The following ASIC2 variants were observed in gnomAD, a reference collection of about 807,000 sequenced individuals.
ASIC2 encodes acid sensing ion channel subunit 2, also known as acid-sensing ion channel 2.
In ASIC2, 25 loss-of-function variants were observed where a neutral mutation model predicts 57.3. The ratio of observed to expected loss-of-function variants is 0.44; its 90% CI spans 0.32 to 0.61. The LOEUF is 0.61. Ranked by LOEUF, ASIC2 falls within the 20% of genes least tolerant of loss-of-function variation. The pLI, the probability that ASIC2 is intolerant of heterozygous loss-of-function variation, is 0.06. For missense variants in ASIC2, 641 were observed against 738.1 expected, an observed-to-expected ratio of 0.87 and a Z score of 1.52; for synonymous variants, 319 against 307.5, an observed-to-expected ratio of 1.04 and a Z score of -0.39.
rs116321706 is a variant in ASIC2 at position 33,507,192 on chromosome 17, C to G, written c.556-395125G>C. On this transcript the variant is annotated intron_variant, in intron 1 of 9. Coordinates refer to the ASIC2 transcript ENST00000359872. Reference sequence around the variant, plus strand: ...CCTGAAAACAGCTCTGTTTACAATGCTGCCTCATGACAGGCAGGAGGGCTT... The same window carrying G: ...CCTGAAAACAGCTCTGTTTACAATGGTGCCTCATGACAGGCAGGAGGGCTT... Among the ~76,000 whole-genome samples, 1,227 of 152,312 alleles carry G rather than the reference C, an allele frequency of 8.1e-3. 22 individuals are homozygous for G. The highest frequency in any genetic ancestry group is 0.027 in the African/African-American group (1,128 of 41,566).
chr17:33,252,621 T>C (rs1369578882), intron 1 of ASIC2, among the ~76,000 whole-genome samples: 2 of 152,046 alleles, frequency 1.3e-5, no homozygotes. Context: ...GTTCACGTAG[T>C]GCAACTTGGT....
intron 1 of ASIC2, among the ~76,000 whole-genome samples, chr17:33,585,604 G>A (rs1447307214): frequency 6.6e-6 from 1 of 152,162 alleles, no homozygotes; most frequent in African/African-American, 2.4e-5. Flanking sequence ...CCATGTGACT[G>A]GCCAGAAAGC....
chr17:33,844,988 C>G (rs1159344669), intron 1 of ASIC2, among the ~76,000 whole-genome samples: 2 of 152,344 alleles, frequency 1.3e-5, no homozygotes, highest in East Asian at 3.9e-4. Flanking sequence ...TACAGTGAGG[C>G]CATGATTCAG....
At chr17:34,068,329 G>A (rs1020504817) in intron 1 of ASIC2, among the ~76,000 whole-genome samples, 4 of 152,164 alleles carry the variant, frequency 2.6e-5, no homozygotes, top group African/African-American at 9.7e-5. Context: ...TGGGTTACAG[G>A]GAAGGACTTT....
chr17:33,787,266 C>T (rs141099193), intron 1 of ASIC2, among the ~76,000 whole-genome samples: 1 of 152,184 alleles, frequency 6.6e-6, no homozygotes, highest in Non-Finnish European at 1.5e-5. Flanking sequence ...CTATTACTAC[C>T]TTTTTGGAGG....
intron 1 of ASIC2, among the ~76,000 whole-genome samples, chr17:33,735,134 G>A (rs1001451396): frequency 2.0e-5 from 3 of 151,982 alleles, no homozygotes; most frequent in Admixed American, 6.6e-5. Context: ...ATAGTGCCCC[G>A]TGCCCAAACT....
At chr17:33,059,132 A>G (rs2092010479) in intron 3 of ASIC2, among the ~76,000 whole-genome samples, 1 of 152,170 alleles carries the variant, frequency 6.6e-6, no homozygotes, top group Non-Finnish European at 1.5e-5. Flanking sequence ...ACTGTTTTGA[A>G]GTATTAAACT....
At chr17:33,339,087 C>T (rs1159127081) in intron 1 of ASIC2, among the ~76,000 whole-genome samples, 2 of 151,104 alleles carry the variant, frequency 1.3e-5, no homozygotes, top group South Asian at 2.1e-4. Context: ...TTTTTTACCA[C>T]GATAAAAATT....
At chr17:33,431,645 C>T (rs139759359) in intron 1 of ASIC2, among the ~76,000 whole-genome samples, 1 of 152,162 alleles carries the variant, frequency 6.6e-6, no homozygotes, top group African/African-American at 2.4e-5. Context: ...AGAAAAGATA[C>T]CATATTTTAG....
chr17:33,743,617 A>C (rs944019670), intron 1 of ASIC2, among the ~76,000 whole-genome samples: 4 of 152,224 alleles, frequency 2.6e-5, no homozygotes, highest in Admixed American at 2.6e-4. Context: ...TAAATAGGAC[A>C]CATGATTGAT....
intron 1 of ASIC2, among the ~76,000 whole-genome samples, chr17:33,256,999 C>A (rs1261749975): frequency 6.6e-6 from 1 of 152,198 alleles, no homozygotes; most frequent in African/African-American, 2.4e-5. Context: ...TTCCCTACAG[C>A]AGGTGCAGGT....
chr17:33,973,105 G>A (rs1905268701), intron 1 of ASIC2, among the ~76,000 whole-genome samples: 1 of 152,230 alleles, frequency 6.6e-6, no homozygotes, highest in Non-Finnish European at 1.5e-5. Context: ...TCTTGGGCTT[G>A]GCTGCTAGAG....
chr17:33,220,195 T>G (rs1386118825), intron 1 of ASIC2, among the ~76,000 whole-genome samples: 1 of 152,172 alleles, frequency 6.6e-6, no homozygotes, highest in Admixed American at 6.5e-5. Context: ...CAACTGATCT[T>G]CCAGCCTGTG....
At chr17:33,251,861 G>T (rs1004520655) in intron 1 of ASIC2, among the ~76,000 whole-genome samples, 3 of 152,178 alleles carry the variant, frequency 2.0e-5, no homozygotes, top group Non-Finnish European at 4.4e-5. Flanking sequence ...AAATCCCTTT[G>T]ATTTCAGGAG....
intron 1 of ASIC2, among the ~76,000 whole-genome samples, chr17:33,715,001 T>TTATTATTAC (rs985199689): frequency 6.7e-6 from 1 of 148,554 alleles, no homozygotes; most frequent in African/African-American, 2.5e-5. Flanking sequence ...ATTATTATTA[T>TTATTATTAC]TATTATTATT....
chr17:33,849,659 G>C (rs1913710982), intron 1 of ASIC2, among the ~76,000 whole-genome samples: 1 of 152,190 alleles, frequency 6.6e-6, no homozygotes, highest in African/African-American at 2.4e-5. Context: ...AGTTAACCAA[G>C]TGAAGAAAGG....
At position 33,312,828 on chromosome 17, in the gene ASIC2, C is replaced by T. The variant is rs968053672; in HGVS notation, c.556-200761G>A. The stretch of plus-strand genomic sequence containing the variant: ...GCGCATGCCTGTAATCCTGGCTCTT[C>T]GGGAAGCCGAGGCAGGAGAATCACT... On this transcript the variant is annotated intron_variant, in intron 1 of 9. Coordinates refer to the ASIC2 transcript ENST00000359872. Among the ~76,000 whole-genome samples, 15 of 152,056 alleles carry T rather than the reference C, an allele frequency of 9.9e-5. No individual in the cohort carries two copies. The South Asian group carries it at 1.0e-3, about 11-fold the overall frequency.
intron 1 of ASIC2, among the ~76,000 whole-genome samples, chr17:33,862,610 A>G (rs1349066348): frequency 6.6e-6 from 1 of 152,176 alleles, no homozygotes; most frequent in Non-Finnish European, 1.5e-5. Flanking sequence ...ATTTGAACTC[A>G]CATCTACTTA....
chr17:34,030,255 C>T (rs1418965594), intron 1 of ASIC2, among the ~76,000 whole-genome samples: 2 of 152,136 alleles, frequency 1.3e-5, no homozygotes, highest in Admixed American at 1.3e-4. Flanking sequence ...CAGTCTATAC[C>T]CTTCCAGCAC....
Sources: gnomAD v4.1 joint callset for allele counts (sites outside exome capture counted in the v4.1 genomes callset) on GRCh38, gnomAD v4.1.1 for gene constraint, MANE v1.5 for transcripts, NCBI Gene and HGNC (gene_info 2026-07-23, HGNC 2026-07-21) for gene names.